Variants in KAZN observed in about 807,000 individuals in gnomAD.
The protein encoded by KAZN is kazrin.
Under a neutral mutation model 87.4 loss-of-function variants are expected in KAZN, and 40 were observed. That is an observed-to-expected ratio of 0.46 (90% CI 0.36 to 0.60). The LOEUF is 0.60. KAZN is among the 20% of genes least tolerant of loss of function. The pLI, the probability that KAZN is intolerant of heterozygous loss-of-function variation, is 0.00. For synonymous variants in KAZN, 466 were observed against 458.3 expected (o/e 1.02, Z -0.22); for missense variants, 898 against 1,073.9 (o/e 0.84, Z 2.29).
intron 2 of KAZN, among the ~76,000 whole-genome samples, chr1:14,432,254 A>T (rs1022481539): frequency 6.6e-6 from 1 of 152,236 alleles, no homozygotes; most frequent in Non-Finnish European, 1.5e-5. Flanking sequence ...GACTATGTAG[A>T]TCATGGACCA....
intron 2 of KAZN, among the ~76,000 whole-genome samples, chr1:14,485,876 G>A (rs1382665762): frequency 6.9e-6 from 1 of 145,548 alleles, no homozygotes; most frequent in African/African-American, 2.6e-5. Context: ...CTGGGCGACA[G>A]AGCGAGACTC....
chr1:14,697,311 C>T (rs1641670315), intron 1 of KAZN, among the ~76,000 whole-genome samples: 1 of 151,610 alleles, frequency 6.6e-6, no homozygotes, highest in African/African-American at 2.4e-5. Flanking sequence ...GCCTGGGCAA[C>T]ACAGCAAGAA....
At chr1:14,451,590 G>A (rs1261686070) in intron 2 of KAZN, among the ~76,000 whole-genome samples, 1 of 151,402 alleles carries the variant, frequency 6.6e-6, no homozygotes, top group Non-Finnish European at 1.5e-5. Context: ...CAGAAAGAGA[G>A]AGAGAGAGAG....
intron 1 of KAZN, among the ~76,000 whole-genome samples, chr1:14,175,589 CTG>C (rs954963805): frequency 1.3e-5 from 2 of 152,260 alleles, no homozygotes; most frequent in African/African-American, 4.8e-5. Context: ...ACGAGTTGTA[CTG>C]TGTGTGAGTA....
intron 1 of KAZN, among the ~76,000 whole-genome samples, chr1:14,650,010 G>T (rs1478593745): frequency 2.8e-5 from 4 of 145,446 alleles, no homozygotes; most frequent in Non-Finnish European, 4.5e-5. Context: ...GTGGGTGCTG[G>T]TATCTTTCCC....
intron 2 of KAZN, among the ~76,000 whole-genome samples, chr1:14,506,261 T>C (rs1450119237): frequency 6.6e-6 from 1 of 152,206 alleles, no homozygotes; most frequent in Admixed American, 6.5e-5. Flanking sequence ...TGGAAAACTC[T>C]TAGTCTTCAA....
chr1:14,154,806 G>C (rs972975723), intron 1 of KAZN, among the ~76,000 whole-genome samples: 2 of 152,152 alleles, frequency 1.3e-5, no homozygotes, highest in Admixed American at 6.6e-5. Context: ...TGATTAATTT[G>C]CATTTGTTGA....
At chr1:14,394,682 T>TC (rs1383013115) in intron 2 of KAZN, among the ~76,000 whole-genome samples, 2 of 152,238 alleles carry the variant, frequency 1.3e-5, no homozygotes, top group Non-Finnish European at 2.9e-5. Context: ...TGTCATTCTT[T>TC]CCCTCCACTG....
intron 2 of KAZN, among the ~76,000 whole-genome samples, chr1:15,001,132 C>A (rs1483709345): frequency 6.6e-6 from 1 of 151,780 alleles, no homozygotes; most frequent in Non-Finnish European, 1.5e-5. Flanking sequence ...CCAGCTTCCC[C>A]AAACCCAGCA....
intron 2 of KAZN, among the ~76,000 whole-genome samples, chr1:14,248,386 A>G (rs1199247154): frequency 6.6e-6 from 1 of 152,228 alleles, no homozygotes; most frequent in East Asian, 1.9e-4. Flanking sequence ...GAGCCAAAGT[A>G]AAAATTATAA....
At chr1:14,576,181 C>T (rs917617481) in intron 2 of KAZN, among the ~76,000 whole-genome samples, 6 of 152,004 alleles carry the variant, frequency 3.9e-5, no homozygotes, top group African/African-American at 9.7e-5. Context: ...AAAATGAAGA[C>T]GATATTAGTA....
chr1:14,618,225 C>G (rs147400024), intron 1 of KAZN, among the ~76,000 whole-genome samples: 2 of 152,140 alleles, frequency 1.3e-5, no homozygotes, highest in Non-Finnish European at 2.9e-5. Context: ...CCAGCCCCGG[C>G]GTGTTCTAGT....
At chr1:14,765,545 T>G (rs1487075047) in intron 1 of KAZN, among the ~76,000 whole-genome samples, 1 of 152,134 alleles carries the variant, frequency 6.6e-6, no homozygotes, top group Non-Finnish European at 1.5e-5. Context: ...GAATTTGGTG[T>G]GCAGATGTAT....
intron 1 of KAZN, among the ~76,000 whole-genome samples, chr1:14,724,574 T>C (rs1435726481): frequency 1.3e-5 from 2 of 152,246 alleles, no homozygotes; most frequent in Non-Finnish European, 2.9e-5. Context: ...CCAATTGCTC[T>C]CCTGGTTCCT....
At chr1:14,108,639 G>A (rs904796669) in intron 1 of KAZN, among the ~76,000 whole-genome samples, 4 of 152,130 alleles carry the variant, frequency 2.6e-5, no homozygotes, top group Admixed American at 2.6e-4. Context: ...CCAGGGAGCA[G>A]AATTGGCCTC....
chr1:14,432,774 C>G (rs1052700395), intron 2 of KAZN, among the ~76,000 whole-genome samples: 1 of 152,028 alleles, frequency 6.6e-6, no homozygotes, highest in Non-Finnish European at 1.5e-5. Flanking sequence ...CTCTCCGTGT[C>G]CCTATGTTCT....
chr1:14,794,668 C>T (rs924418504), intron 1 of KAZN, among the ~76,000 whole-genome samples: 2 of 152,222 alleles, frequency 1.3e-5, no homozygotes, highest in African/African-American at 4.8e-5. Context: ...AGCTCATGCA[C>T]ACCACTGGGT....
At chr1:14,300,265 T>C (rs1360984536) in intron 2 of KAZN, among the ~76,000 whole-genome samples, 2 of 54,038 alleles carry the variant, frequency 3.7e-5, no homozygotes, top group Admixed American at 2.8e-4. Flanking sequence ...GAAGAATTTA[T>C]TTATTTTTTT....
chr1:14,061,843 T>C (rs537642219), intron 1 of KAZN, among the ~76,000 whole-genome samples: 1 of 152,250 alleles, frequency 6.6e-6, no homozygotes, highest in Admixed American at 6.5e-5. Flanking sequence ...GTGTGAGAGT[T>C]GCGGACACAA....
Sources: allele counts gnomAD v4.1 joint callset (sites outside exome capture counted in the v4.1 genomes callset), GRCh38; gene constraint gnomAD v4.1.1; transcripts MANE v1.5; gene names NCBI Gene and HGNC (gene_info 2026-07-23, HGNC 2026-07-21).